Variants in PECR observed in about 807,000 individuals in gnomAD.
The protein encoded by PECR is peroxisomal trans-2-enoyl-CoA reductase, also known as 2,4-dienoyl-CoA reductase-related protein.
In PECR, 30 loss-of-function variants were observed where a neutral mutation model predicts 35.3. The ratio of observed to expected loss-of-function variants is 0.85; its 90% CI spans 0.64 to 1.15. The LOEUF is 1.15. Among genes scored for constraint, PECR ranks in the 50% most tolerant of loss-of-function variants. PECR has a pLI of 0.00. For missense variants in PECR, 392 were observed against 370.8 expected, an observed-to-expected ratio of 1.06 and a Z score of -0.47; for synonymous variants, 148 against 138.9, an observed-to-expected ratio of 1.07 and a Z score of -0.46.
chr2:216,038,188 G>A (rs2105940123), downstream of PECR, among the ~76,000 whole-genome samples: 1 of 152,264 alleles, frequency 6.6e-6, no homozygotes, highest in Admixed American at 6.5e-5. Context: ...TTAAGACAAA[G>A]AATGAACATA....
At chr2:216,050,373 G>C (rs940568226) in intron 5 of PECR, among the ~76,000 whole-genome samples, 4 of 152,204 alleles carry the variant, frequency 2.6e-5, no homozygotes, top group Non-Finnish European at 5.9e-5. Flanking sequence ...ACTGATACTG[G>C]AGAGATATAT....
chr2:216,033,359 C>T (rs998881075), intron 7 of PECR, among the ~76,000 whole-genome samples: 14 of 152,008 alleles, frequency 9.2e-5, no homozygotes, highest in Admixed American at 5.2e-4. Context: ...ATACAAATTC[C>T]TCCGCTGTCT....
rs73990736 is a variant in PECR, at chr2:216,040,137, A to T, written c.827-777T>A. Among the ~76,000 whole-genome samples the T allele has an allele frequency of 8.5e-3, 1,292 of 152,190 alleles. 26 individuals carry two copies. The highest frequency in any genetic ancestry group is 0.029 in the African/African-American group (1,219 of 41,462). On this transcript the variant is annotated intron_variant, in intron 7 of 7. Coordinates refer to ENST00000265322, the MANE Select transcript of PECR (RefSeq NM_018441.6). ...GAAACAGGGGAAAAACTTGTCCTTG[A>T]TGAGATCAGTGAGCTACTAAGTCAA...
chr2:216,079,952 G>A (rs1695797387), intron 1 of PECR, among the ~76,000 whole-genome samples: 1 of 145,406 alleles, frequency 6.9e-6, no homozygotes, highest in Non-Finnish European at 1.5e-5. Flanking sequence ...CTGCACTCCA[G>A]CCTGGGCAAC....
chr2:216,054,246 C>T (rs1695179729), intron 4 of PECR, among the ~76,000 whole-genome samples: 1 of 147,866 alleles, frequency 6.8e-6, no homozygotes, highest in South Asian at 2.1e-4. Context: ...GAGATCGCAC[C>T]ATTGCACTCC....
chr2:216,061,559 A>C (rs557406754), intron 3 of PECR, among the ~76,000 whole-genome samples: 55 of 152,296 alleles, frequency 3.6e-4, no homozygotes, highest in African/African-American at 1.2e-3. Flanking sequence ...TGCAGTAAGA[A>C]GTATATATAC....
rs1260173174 is a variant in PECR at position 216,068,831 on chromosome 2, T to C, written c.125-2313A>G. Among the ~76,000 whole-genome samples, 4 of 120,732 alleles carry C rather than the reference T, an allele frequency of 3.3e-5. No individual in the cohort carries two copies. The South Asian group carries it at 8.0e-4, about 24-fold the overall frequency. The allele number at this position is 120,732 out of a possible 152,430, so 79.2% of individuals were successfully genotyped here. ...TTTTTTTTTTTTTTTTTTTTTTTTT[T>C]AGTAGAGATGAGGTCTATGTTGCAG... On this transcript the variant is annotated intron_variant, in intron 1 of 7. Coordinates refer to ENST00000265322, the MANE Select transcript of PECR (RefSeq NM_018441.6).
chr2:216,065,384 G>C lies in PECR; in HGVS notation c.352C>G (p.His118Asp), dbSNP rs778178490. 7.4e-5 allele frequency: 119 copies of C among 1,607,316 alleles called. No homozygotes were observed. In the East Asian group the frequency reaches 2.6e-3, roughly 36 times the overall value. The change falls in exon 3 of 8, where the codon CAC becomes GAC. Residue 118 changes from histidine (H) to aspartate (D), a missense_variant. By Grantham distance (81) the His-to-Asp change is moderately conservative. Coordinates refer to ENST00000265322, the MANE Select transcript of PECR (RefSeq NM_018441.6). ...GCGTGCCATCCCTTAGAACTGATGT[G>C]TTCAGCAGGGGAAAGAAACTGGCCT... ...GGGQFLSPAE[H>D]ISSKGWHAVL...
chr2:216,061,968 GTA>G (rs983582700), intron 3 of PECR, among the ~76,000 whole-genome samples: 2 of 147,630 alleles, frequency 1.4e-5, no homozygotes, highest in Non-Finnish European at 3.0e-5. Context: ...GTGTGTGTGA[GTA>G]TGTGTGTGTG....
At chr2:216,072,634 T>C in intron 1 of PECR, among the ~76,000 whole-genome samples, 1 of 152,216 alleles carries the variant, frequency 6.6e-6, no homozygotes, top group East Asian at 1.9e-4. Context: ...TTTGACCTTG[T>C]TTCTGAATTA....
chr2:216,080,452 AGG>A (rs1695815005), intron 1 of PECR, among the ~76,000 whole-genome samples: 1 of 152,206 alleles, frequency 6.6e-6, no homozygotes, highest in African/African-American at 2.4e-5. Context: ...TTGGATTTTT[AGG>A]TAATTTCCAT....
intron 7 of PECR, among the ~76,000 whole-genome samples, 153 bp downstream of exon 7, chr2:216,043,751 A>T (rs1016156317): frequency 1.3e-5 from 2 of 152,206 alleles, no homozygotes; most frequent in African/African-American, 2.4e-5. Context: ...ATATTTCATT[A>T]AAAAAATCAC....
At chr2:216,046,310 A>ATTTTTTTTT (rs869225237) in intron 6 of PECR, among the ~76,000 whole-genome samples, 1 of 96,976 alleles carries the variant, frequency 1.0e-5, no homozygotes, top group Admixed American at 1.2e-4. Context: ...ATATATATAT[A>ATTTTTTTTT]TTTTTTTTTT....
At chr2:216,042,999 A>ATATATG (rs1264063415) in intron 7 of PECR, among the ~76,000 whole-genome samples, 1 of 144,478 alleles carries the variant, frequency 6.9e-6, no homozygotes, top group African/African-American at 2.6e-5. Context: ...ATACATACGT[A>ATATATG]TATGTGTATA....
chr2:216,031,466 A>G (rs1476034947), intron 7 of PECR, among the ~76,000 whole-genome samples: 1 of 125,460 alleles, frequency 8.0e-6, no homozygotes, highest in Non-Finnish European at 1.7e-5. Flanking sequence ...AGAGAAAGAA[A>G]GAAAGAAAGA....
Position 216,044,154 on chromosome 2 carries a change from T to C in PECR, c.715-139A>G. The C allele has an allele frequency of 3.0e-6, 2 of 672,274 alleles. 1 individual carries two copies. The allele number at this position is 672,274 out of a possible 1,614,324, so 41.6% of individuals were successfully genotyped here. Reference sequence around the variant, plus strand: ...CAGTGTGTGCATGTGCACCACAACCTCACAGTACATAGACAACTTCCTTTT... The same window carrying C: ...CAGTGTGTGCATGTGCACCACAACCCCACAGTACATAGACAACTTCCTTTT... On this transcript the variant is annotated intron_variant, in intron 6 of 7. Coordinates refer to ENST00000265322, the MANE Select transcript of PECR (RefSeq NM_018441.6).
chr2:216,057,055 T>A (rs1574691147), intron 4 of PECR, among the ~76,000 whole-genome samples: 1 of 152,286 alleles, frequency 6.6e-6, no homozygotes, highest in Non-Finnish European at 1.5e-5. Flanking sequence ...AAACTCTCAT[T>A]ACTTCTTACA....
In PECR at chr2:216,081,732, A is replaced by T. The variant is rs764473714; in HGVS notation, c.10T>A (p.Trp4Arg). 17 of 1,613,158 alleles carry T rather than the reference A, an allele frequency of 1.1e-5. No individual in the cohort carries two copies. In the African/African-American group the frequency reaches 2.3e-4, roughly 22 times the overall value. ...GCCAGGTAGCTCCTGCCCTTAGCCC[A>T]GGAGGCCATCCCTGCAGCGGGGTGC... MAS[W>R]AKGRSYLAPG... Residue 4 changes from tryptophan (W) to arginine (R), a missense_variant, in exon 1 of 8, where the codon TGG becomes AGG. Trp to Arg is a moderately radical substitution (Grantham distance 101, BLOSUM62 -3). Coordinates refer to ENST00000265322, the MANE Select transcript of PECR (RefSeq NM_018441.6).
In PECR at chr2:216,049,279, A is replaced by T; in HGVS notation, c.698T>A (p.Ile233Asn). 1 of 1,555,830 alleles carries T rather than the reference A, an allele frequency of 6.4e-7. No individual in the cohort carries two copies. Among genetic ancestry groups the T allele is most frequent in the Non-Finnish European group, 8.9e-7 (1 of 1,126,766 alleles). The change falls in exon 6 of 8, where the codon ATT (isoleucine) becomes AAT (asparagine). Residue 233 changes from isoleucine (I) to asparagine (N), a missense_variant. By Grantham distance (149) the Ile-to-Asn change is moderately radical (BLOSUM62 -3). Coordinates refer to ENST00000265322, the MANE Select transcript of PECR (RefSeq NM_018441.6). ...ATACCTTACCTCCTCAGGAACACCAATTCGTTTAGCGGGGATTTTCTGAAA... is the reference window on the plus strand; with the variant it reads ...ATACCTTACCTCCTCAGGAACACCATTTCGTTTAGCGGGGATTTTCTGAAA... ...GSFQKIPAKR[I>N]GVPEEVSSVV... is the part of the protein sequence containing the mutation.
Sources: gnomAD v4.1 joint callset for allele counts (sites outside exome capture counted in the v4.1 genomes callset) on GRCh38, gnomAD v4.1.1 for gene constraint, MANE v1.5 for transcripts, NCBI Gene and HGNC (gene_info 2026-07-23, HGNC 2026-07-21) for gene names.